The following COL21A1 variants were observed in gnomAD, a reference collection of about 807,000 sequenced individuals.
The protein encoded by COL21A1 is collagen alpha-1(XXI) chain.
In COL21A1, 149 loss-of-function variants were observed where a neutral mutation model predicts 137.9. The observed-to-expected ratio is 1.08, with a 90% CI of 0.95 to 1.24. The LOEUF is 1.24. Ranked by LOEUF, COL21A1 falls within the 50% of genes most tolerant of loss-of-function variation. The probability of loss-of-function intolerance (pLI) is 0.00; values close to 1 mark genes in which losing one functional copy is unlikely to be tolerated. For synonymous variants in COL21A1, 456 were observed against 391.5 expected (o/e 1.16, Z -1.95); for missense variants, 1,167 against 1,158.4 (o/e 1.01, Z -0.11).
At chr6:56,360,573 G>A (rs1221887388) in intron 1 of COL21A1, among the ~76,000 whole-genome samples, 1 of 152,162 alleles carries the variant, frequency 6.6e-6, no homozygotes, top group African/African-American at 2.4e-5. Context: ...TTGCCAGCAT[G>A]AATTTAAAAA....
chr6:56,090,894 G>A (rs1453651438), intron 17 of COL21A1, among the ~76,000 whole-genome samples: 1 of 152,038 alleles, frequency 6.6e-6, no homozygotes. Flanking sequence ...CACATACTTG[G>A]TATGTACCAC....
intron 1 of COL21A1, among the ~76,000 whole-genome samples, chr6:56,300,141 G>A (rs1232043869): frequency 6.6e-6 from 1 of 152,106 alleles, no homozygotes; most frequent in Non-Finnish European, 1.5e-5. Context: ...TGTGCCGGAA[G>A]CCAACATGAA....
chr6:56,178,753 T>C (rs1428842767), intron 3 of COL21A1, among the ~76,000 whole-genome samples: 3 of 152,118 alleles, frequency 2.0e-5, no homozygotes, highest in African/African-American at 7.2e-5. Flanking sequence ...TACCATGCAG[T>C]TATCATGAAC....
chr6:56,129,146 C>A (rs1773289226), intron 12 of COL21A1, among the ~76,000 whole-genome samples: 1 of 152,182 alleles, frequency 6.6e-6, no homozygotes, highest in East Asian at 1.9e-4. Flanking sequence ...GTCATGTTTG[C>A]ATTTTTAGCT....
At chr6:56,111,330 T>C (rs139229703) in intron 16 of COL21A1, among the ~76,000 whole-genome samples, 9 of 152,168 alleles carry the variant, frequency 5.9e-5, no homozygotes, top group Non-Finnish European at 1.2e-4. Context: ...GCATGACAAA[T>C]AAATGTAATG....
chr6:56,389,603 G>T (rs887196234), intron 1 of COL21A1, among the ~76,000 whole-genome samples: 2 of 152,126 alleles, frequency 1.3e-5, no homozygotes, highest in African/African-American at 4.8e-5. Context: ...ACACCAAGTG[G>T]ATTCAACCCA....
At chr6:56,099,286 T>C (rs374546180) in intron 17 of COL21A1, among the ~76,000 whole-genome samples, 1 of 142,486 alleles carries the variant, frequency 7.0e-6, no homozygotes, top group African/African-American at 2.7e-5. Context: ...CAGGCTGGAG[T>C]GCAGTGGCGC....
rs1444056980 is a variant in COL21A1, at chr6:56,141,851, G to A, written c.1489-13C>T. 3.7e-6 allele frequency: 6 copies of A among 1,612,750 alleles called. No individual in the cohort carries two copies. Among genetic ancestry groups the A allele is most frequent in the Non-Finnish European group, 5.1e-6 (6 of 1,179,318 alleles). ...GTCCTCGAGCTCCCTAAATTAACCA[G>A]AAAATAAAATTTTGTTAATTATCGG... is the stretch of plus-strand genomic sequence containing the variant. On this transcript the variant is annotated splice_polypyrimidine_tract_variant and intron_variant, in intron 11 of 29. Coordinates refer to ENST00000244728, the MANE Select transcript of COL21A1 (RefSeq NM_030820.4).
At chr6:56,135,918 C>T (rs1256648269) in intron 12 of COL21A1, among the ~76,000 whole-genome samples, 1 of 152,080 alleles carries the variant, frequency 6.6e-6, no homozygotes, top group Non-Finnish European at 1.5e-5. Context: ...CTTTATCAGA[C>T]TCCAACCTCT....
chr6:56,067,613 C>T (rs1026064223), intron 22 of COL21A1, among the ~76,000 whole-genome samples: 2 of 151,706 alleles, frequency 1.3e-5, no homozygotes, highest in Non-Finnish European at 3.0e-5. Flanking sequence ...ACATGGTTCA[C>T]AGTTTTAGGT....
At chr6:56,156,816 G>T in intron 10 of COL21A1, 71 bp downstream of exon 10, 1 of 1,230,348 alleles carries the variant, frequency 8.1e-7, no homozygotes, top group Non-Finnish European at 1.2e-6. Context: ...GTTTAGATTT[G>T]CTCAGCAAAA....
intron 1 of COL21A1, among the ~76,000 whole-genome samples, chr6:56,347,365 C>G (rs1274559113): frequency 1.3e-5 from 2 of 152,078 alleles, no homozygotes; most frequent in African/African-American, 4.8e-5. Flanking sequence ...GGAATCAAGT[C>G]ATTCCTGTCT....
intron 1 of COL21A1, among the ~76,000 whole-genome samples, chr6:56,352,904 G>T (rs140353138): frequency 0.019 from 2,913 of 152,184 alleles, 95 homozygotes; most frequent in African/African-American, 0.064. Context: ...AGCTGGGCGT[G>T]GTGGCGCAAG....
intron 17 of COL21A1, among the ~76,000 whole-genome samples, chr6:56,094,087 T>C (rs751717093): frequency 6.6e-6 from 1 of 152,180 alleles, no homozygotes; most frequent in Non-Finnish European, 1.5e-5. Flanking sequence ...GCTGGCTCCT[T>C]TTTGCTTAAC....
chr6:56,383,394 C>T (rs919690112), intron 1 of COL21A1, among the ~76,000 whole-genome samples: 1 of 152,184 alleles, frequency 6.6e-6, no homozygotes. Context: ...TTTGGGGAGA[C>T]ACAAATATTC....
In COL21A1 at chr6:56,077,521, A is replaced by C; in HGVS notation, c.1857+8T>G. On this transcript the variant is annotated splice_region_variant and intron_variant, in intron 18 of 29. Transcript: ENST00000244728. ...CCAGGCCCAAAGCTAACTCTCATGA[A>C]TACTTACCTTTTGGCCCATTAATCC... 6.4e-7 allele frequency: 1 copy of C among 1,569,916 alleles called. No homozygotes were observed. The highest frequency in any genetic ancestry group is 8.7e-7 in the Non-Finnish European group (1 of 1,154,054).
At chr6:56,134,862 C>G (rs1773858127) in intron 12 of COL21A1, among the ~76,000 whole-genome samples, 1 of 152,118 alleles carries the variant, frequency 6.6e-6, no homozygotes, top group South Asian at 2.1e-4. Flanking sequence ...GAGGCCCCCT[C>G]CCATGATTGT....
chr6:56,344,471 A>G (rs1230135512), intron 1 of COL21A1, among the ~76,000 whole-genome samples: 7 of 151,096 alleles, frequency 4.6e-5, no homozygotes, highest in Non-Finnish European at 1.0e-4. Flanking sequence ...CTAACTACAA[A>G]ACAACATTTT....
chr6:56,343,471 C>T (rs990136262), intron 1 of COL21A1, among the ~76,000 whole-genome samples: 8 of 152,328 alleles, frequency 5.3e-5, no homozygotes, highest in South Asian at 2.1e-4. Flanking sequence ...CAACTTCCAT[C>T]ATAATTTAAA....
Sources: gnomAD v4.1 joint callset for allele counts (sites outside exome capture counted in the v4.1 genomes callset) on GRCh38, gnomAD v4.1.1 for gene constraint, MANE v1.5 for transcripts, NCBI Gene and HGNC (gene_info 2026-07-23, HGNC 2026-07-21) for gene names.